NSG2: variants seen among roughly 807,000 people sequenced by gnomAD.
NSG2 encodes the protein neuronal vesicle trafficking associated 2.
Under a neutral mutation model 16.9 loss-of-function variants are expected in NSG2, and 4 were observed. That is an observed-to-expected ratio of 0.24 (90% CI 0.12 to 0.54). The LOEUF (loss-of-function observed/expected upper bound fraction) is 0.54. NSG2 is among the 20% of genes least tolerant of loss of function. NSG2 has a pLI of 0.95. For synonymous variants in NSG2, 98 were observed against 88.7 expected, an observed-to-expected ratio of 1.11 and a Z score of -0.59; for missense variants, 179 against 221.1, an observed-to-expected ratio of 0.81 and a Z score of 1.21.
chr5:174,048,355 C>T (rs1429496594), intron 2 of NSG2, among the ~76,000 whole-genome samples: 3 of 152,264 alleles, frequency 2.0e-5, no homozygotes, highest in East Asian at 1.9e-4. Flanking sequence ...TGAATGAAAT[C>T]TCCCAGGTGG....
At chr5:174,069,246 T>C (rs754199097) in intron 3 of NSG2, among the ~76,000 whole-genome samples, 3 of 152,018 alleles carry the variant, frequency 2.0e-5, no homozygotes, top group Non-Finnish European at 2.9e-5. Flanking sequence ...TAAAGGTTAC[T>C]GGTGCTCTGA....
chr5:174,048,984 C>T (rs1406063676), intron 2 of NSG2, among the ~76,000 whole-genome samples: 1 of 152,132 alleles, frequency 6.6e-6, no homozygotes, highest in African/African-American at 2.4e-5. Flanking sequence ...AGGATCACAT[C>T]TACCTCACAA....
chr5:174,085,862 T>G (rs1760606057), intron 3 of NSG2, among the ~76,000 whole-genome samples: 1 of 152,234 alleles, frequency 6.6e-6, no homozygotes, highest in South Asian at 2.1e-4. Flanking sequence ...TCCTTTCACC[T>G]TGCCACAGTC....
chr5:174,062,948 G>T (rs1285436744), intron 2 of NSG2, among the ~76,000 whole-genome samples: 2 of 152,196 alleles, frequency 1.3e-5, no homozygotes, highest in African/African-American at 4.8e-5. Context: ...AAGTAGGAGT[G>T]ATCATGGTTA....
At chr5:174,048,212 A>G (rs1759831873) in intron 2 of NSG2, among the ~76,000 whole-genome samples, 1 of 152,252 alleles carries the variant, frequency 6.6e-6, no homozygotes, top group Admixed American at 6.5e-5. Flanking sequence ...TATGTGCTAC[A>G]TGTATATCAG....
At chr5:174,070,679 C>T (rs1760223265) in intron 3 of NSG2, among the ~76,000 whole-genome samples, 1 of 152,212 alleles carries the variant, frequency 6.6e-6, no homozygotes, top group South Asian at 2.1e-4. Flanking sequence ...CTCAGCTGTG[C>T]TCTTCCTGGA....
chr5:174,107,478 C>G lies in NSG2; in HGVS notation c.489C>G (p.Pro163=). The change falls in exon 5 of 5, where the codon CCC becomes CCG. Residue 163 remains proline (P), a synonymous_variant. Transcript: ENST00000303177. This position sits in a 1 kb window ranked among gnomAD's most constrained non-coding sequence, Gnocchi z 4.5. ...WLSAAAVIHE[P]KPPKTQGH The stretch of plus-strand genomic sequence containing the variant: ...CAGCAGCCGCTGTCATCCATGAGCC[C>G]AAGCCGCCCAAGACCCAGGGCCACT... 12 of 1,611,476 alleles carry G rather than the reference C, an allele frequency of 7.4e-6. No homozygotes were observed. Among genetic ancestry groups the G allele is most frequent in the Non-Finnish European group, 1.0e-5 (12 of 1,178,160 alleles).
intron 3 of NSG2, among the ~76,000 whole-genome samples, chr5:174,085,476 T>C (rs1485099200): frequency 1.3e-5 from 2 of 152,246 alleles, no homozygotes; most frequent in African/African-American, 4.8e-5. Flanking sequence ...ATCTGTATCC[T>C]GAACGCTTGC....
intron 3 of NSG2, among the ~76,000 whole-genome samples, chr5:174,070,339 T>G (rs1164370966): frequency 6.6e-6 from 1 of 152,192 alleles, no homozygotes; most frequent in East Asian, 1.9e-4. Flanking sequence ...GTGAGGAAAC[T>G]AATGCTTAGA....
At chr5:174,085,148 C>G (rs923889736) in intron 3 of NSG2, among the ~76,000 whole-genome samples, 2 of 152,140 alleles carry the variant, frequency 1.3e-5, no homozygotes, top group Admixed American at 1.3e-4. Flanking sequence ...GTTGGTGACT[C>G]CATAAGTGTA....
intron 3 of NSG2, chr5:174,081,556 G>A (rs1760465964): frequency 6.6e-6 from 1 of 152,040 alleles, no homozygotes; most frequent in Non-Finnish European, 1.5e-5. Flanking sequence ...AATATTGTGA[G>A]GTTGTGTTGA....
At chr5:174,100,164 A>G (rs895896117) in intron 3 of NSG2, among the ~76,000 whole-genome samples, 1 of 152,192 alleles carries the variant, frequency 6.6e-6, no homozygotes, top group African/African-American at 2.4e-5. Flanking sequence ...GCAGAATCCC[A>G]TGGGCTGGGC....
At chr5:174,085,637 G>A (rs1318011053) in intron 3 of NSG2, among the ~76,000 whole-genome samples, 3 of 152,180 alleles carry the variant, frequency 2.0e-5, no homozygotes, top group African/African-American at 2.4e-5. Flanking sequence ...AAGACTGTGC[G>A]ATGACATCTT....
chr5:174,064,700 G>A (rs992538008), intron 3 of NSG2, among the ~76,000 whole-genome samples: 1 of 152,014 alleles, frequency 6.6e-6, no homozygotes, highest in South Asian at 2.1e-4. Flanking sequence ...AACAAAGGTG[G>A]GGGGAAGAAA....
At chr5:174,051,108 C>G (rs535297516) in intron 2 of NSG2, among the ~76,000 whole-genome samples, 67 of 152,186 alleles carry the variant, frequency 4.4e-4, no homozygotes, top group Non-Finnish European at 8.2e-4. Flanking sequence ...GGGCGATTCT[C>G]TCTCCCTGGG....
At chr5:174,061,315 C>T (rs1245684815) in intron 2 of NSG2, among the ~76,000 whole-genome samples, 1 of 152,174 alleles carries the variant, frequency 6.6e-6, no homozygotes, top group Non-Finnish European at 1.5e-5. Flanking sequence ...TTTCTAATAA[C>T]TGGAATTTGT....
In NSG2 at chr5:174,107,002, C is replaced by G. The variant is rs1561677873; in HGVS notation, c.325-312C>G. On this transcript the variant is annotated intron_variant, in intron 4 of 4. Coordinates refer to ENST00000303177, the MANE Select transcript of NSG2 (RefSeq NM_015980.5). The surrounding 1 kb of genome is among the most constrained non-coding windows in gnomAD (Gnocchi z 4.5). ...GCAACAAGGGGACAGGTGAATCAGC[C>G]AGATAGAGGGAGTCTGTGGGGGTCT... 6.6e-6 allele frequency among the ~76,000 whole-genome samples: 1 copy of G among 152,150 alleles called. No individual in the cohort carries two copies. Among genetic ancestry groups the G allele is most frequent in the African/African-American group, 2.4e-5 (1 of 41,432 alleles).
At chr5:174,092,720 G>C (rs534983578) in intron 3 of NSG2, among the ~76,000 whole-genome samples, 2 of 151,980 alleles carry the variant, frequency 1.3e-5, no homozygotes, top group Non-Finnish European at 2.9e-5. Context: ...ATAGTTTTTC[G>C]TACATTAGCG....
intron 2 of NSG2, among the ~76,000 whole-genome samples, chr5:174,059,754 G>T (rs1232156366): frequency 1.3e-5 from 2 of 152,142 alleles, no homozygotes; most frequent in African/African-American, 4.8e-5. Context: ...GCCCTTCTTT[G>T]TGTGCTGCCT....
Sources: allele counts gnomAD v4.1 joint callset (sites outside exome capture counted in the v4.1 genomes callset), GRCh38; gene constraint gnomAD v4.1.1; non-coding constraint Gnocchi (gnomAD v3.1); transcripts MANE v1.5; gene names NCBI Gene and HGNC (gene_info 2026-07-23, HGNC 2026-07-21).